Variants in GPC5 observed in about 807,000 individuals in gnomAD.
GPC5 encodes the protein glypican-5.
In GPC5, 47 loss-of-function variants were observed where a neutral mutation model predicts 53.9. The observed-to-expected ratio is 0.87, with a 90% CI of 0.69 to 1.11. GPC5 has a LOEUF of 1.11. GPC5 is among the 50% of genes most tolerant of loss of function. The pLI, the probability that GPC5 is intolerant of heterozygous loss-of-function variation, is 0.00. For synonymous variants in GPC5, 286 were observed against 263.3 expected, an observed-to-expected ratio of 1.09 and a Z score of -0.84; for missense variants, 748 against 713.1, an observed-to-expected ratio of 1.05 and a Z score of -0.56.
At chr13:91,964,023 G>C (rs544548146) in intron 6 of GPC5, among the ~76,000 whole-genome samples, 4 of 151,984 alleles carry the variant, frequency 2.6e-5, no homozygotes, top group African/African-American at 4.8e-5. Flanking sequence ...TCTTGGTCTC[G>C]CCGACTTCAA....
intron 7 of GPC5, among the ~76,000 whole-genome samples, chr13:92,478,312 T>C (rs572343927): frequency 1.3e-5 from 2 of 152,304 alleles, no homozygotes; most frequent in South Asian, 2.1e-4. Context: ...TTAAAAGCCT[T>C]GTAAATAAAG....
intron 6 of GPC5, among the ~76,000 whole-genome samples, chr13:92,109,499 G>A (rs369466174): frequency 1.5e-4 from 23 of 151,924 alleles, no homozygotes; most frequent in South Asian, 8.3e-4. Context: ...GATTTCTTCC[G>A]TTAGGCTTTT....
At chr13:92,726,303 A>C (rs1181669808) in intron 7 of GPC5, among the ~76,000 whole-genome samples, 1 of 151,602 alleles carries the variant, frequency 6.6e-6, no homozygotes, top group African/African-American at 2.4e-5. Flanking sequence ...TGGAATCAAC[A>C]TATTGAAAAA....
chr13:91,743,443 T>C (rs2036979300), intron 4 of GPC5, among the ~76,000 whole-genome samples: 1 of 152,176 alleles, frequency 6.6e-6, no homozygotes, highest in South Asian at 2.1e-4. Flanking sequence ...CTATAGCATC[T>C]ATAGCAAGAG....
chr13:92,156,981 A>G (rs1393737211), intron 7 of GPC5, among the ~76,000 whole-genome samples: 2 of 152,098 alleles, frequency 1.3e-5, no homozygotes, highest in South Asian at 2.1e-4. Context: ...ACCACAATGT[A>G]TTATCTATTA....
intron 1 of GPC5, among the ~76,000 whole-genome samples, chr13:91,427,051 T>A (rs1392900269): frequency 2.6e-5 from 4 of 152,148 alleles, no homozygotes; most frequent in Non-Finnish European, 5.9e-5. Context: ...TCAGGAGCTG[T>A]ATGGAAATGC....
intron 6 of GPC5, among the ~76,000 whole-genome samples, chr13:92,132,551 T>A (rs1484220023): frequency 6.6e-6 from 1 of 152,064 alleles, no homozygotes; most frequent in Non-Finnish European, 1.5e-5. Flanking sequence ...AGTTTACAGG[T>A]GTGTCCGCCC....
chr13:92,176,347 A>C (rs1409179445), intron 7 of GPC5, among the ~76,000 whole-genome samples: 1 of 152,162 alleles, frequency 6.6e-6, no homozygotes, highest in African/African-American at 2.4e-5. Context: ...TTCCTGTCAC[A>C]CTGCAACATT....
intron 5 of GPC5, among the ~76,000 whole-genome samples, chr13:91,769,743 TTGG>T (rs1230893338): frequency 2.6e-5 from 4 of 152,262 alleles, no homozygotes; most frequent in African/African-American, 9.6e-5. Context: ...TGAGAAGTCA[TTGG>T]TGGTTTCCAC....
At chr13:92,119,268 A>T (rs543507681) in intron 6 of GPC5, among the ~76,000 whole-genome samples, 1 of 152,070 alleles carries the variant, frequency 6.6e-6, no homozygotes, top group African/African-American at 2.4e-5. Flanking sequence ...CAATGAGTCA[A>T]TTACCTCCCA....
chr13:92,624,997 C>A (rs2139121364), intron 7 of GPC5, among the ~76,000 whole-genome samples: 1 of 152,278 alleles, frequency 6.6e-6, no homozygotes, highest in South Asian at 2.1e-4. Flanking sequence ...GGATTTAAAT[C>A]CCTGAATTTC....
In GPC5 at chr13:91,427,103, C is replaced by T. The variant is rs571383277; in HGVS notation, c.164-21658C>T. Among the ~76,000 whole-genome samples, 25 of 152,286 alleles carry T rather than the reference C, an allele frequency of 1.6e-4. No individual in the cohort carries two copies. The South Asian group carries it at 4.4e-3, about 27-fold the overall frequency. ...AAGTTTGCTGCAGAAATGGAGCCCT[C>T]GTGGAGAACCTCTGCTAGGACAGTG... On this transcript the variant is annotated intron_variant, in intron 1 of 7. Coordinates refer to ENST00000377067, the MANE Select transcript of GPC5 (RefSeq NM_004466.6).
At chr13:91,856,597 A>G (rs1594620581) in intron 5 of GPC5, among the ~76,000 whole-genome samples, 2 of 151,314 alleles carry the variant, frequency 1.3e-5, no homozygotes, top group African/African-American at 2.4e-5. Flanking sequence ...CCATTCGTAT[A>G]TCTTTTTTTT....
At chr13:92,409,414 C>T (rs1875945941) in intron 7 of GPC5, among the ~76,000 whole-genome samples, 1 of 151,956 alleles carries the variant, frequency 6.6e-6, no homozygotes, top group Non-Finnish European at 1.5e-5. Context: ...ATTGGTAGTT[C>T]AGTGAGCAAG....
intron 1 of GPC5, among the ~76,000 whole-genome samples, chr13:91,433,471 A>G (rs1879658667): frequency 6.7e-6 from 1 of 149,402 alleles, no homozygotes; most frequent in African/African-American, 2.5e-5. Context: ...TGTCCTCGTG[A>G]TAGTTTGCTG....
At chr13:92,570,052 G>A (rs139881763) in intron 7 of GPC5, among the ~76,000 whole-genome samples, 1 of 152,066 alleles carries the variant, frequency 6.6e-6, no homozygotes, top group Non-Finnish European at 1.5e-5. Flanking sequence ...CAATGACTGT[G>A]TAGAACCATC....
At chr13:91,990,794 C>T (rs943303122) in intron 6 of GPC5, among the ~76,000 whole-genome samples, 2 of 152,150 alleles carry the variant, frequency 1.3e-5, no homozygotes, top group Non-Finnish European at 2.9e-5. Flanking sequence ...GGTGTTTCCA[C>T]TCTGGGTACA....
chr13:91,646,327 T>A (rs1013945895), intron 2 of GPC5, among the ~76,000 whole-genome samples: 2 of 151,960 alleles, frequency 1.3e-5, no homozygotes, highest in Non-Finnish European at 2.9e-5. Flanking sequence ...AAATATATAT[T>A]TTTTTAACAT....
intron 6 of GPC5, among the ~76,000 whole-genome samples, chr13:92,048,788 T>C (rs1054303847): frequency 6.6e-6 from 1 of 152,210 alleles, no homozygotes; most frequent in Non-Finnish European, 1.5e-5. Context: ...GCAGTCACAA[T>C]GGTTTTTTCT....
Sources: allele counts gnomAD v4.1 joint callset (sites outside exome capture counted in the v4.1 genomes callset), GRCh38; gene constraint gnomAD v4.1.1; transcripts MANE v1.5; gene names NCBI Gene and HGNC (gene_info 2026-07-23, HGNC 2026-07-21).